The following PCDH7 variants were observed in gnomAD, a reference collection of about 807,000 sequenced individuals.
PCDH7 encodes the protein protocadherin-7.
Under a neutral mutation model 58.9 loss-of-function variants are expected in PCDH7, and 17 were observed. The observed-to-expected ratio is 0.29, with a 90% CI of 0.20 to 0.43. The LOEUF (loss-of-function observed/expected upper bound fraction) is 0.43. Ranked by LOEUF, PCDH7 falls within the 20% of genes least tolerant of loss-of-function variation. The pLI is 1.00. For missense variants in PCDH7, 1,274 were observed against 1,441.0 expected, an observed-to-expected ratio of 0.88 and a Z score of 1.88; for synonymous variants, 664 against 616.4, an observed-to-expected ratio of 1.08 and a Z score of -1.14.
intron 1 of PCDH7, among the ~76,000 whole-genome samples, chr4:30,883,470 C>A (rs1479078841): frequency 6.6e-6 from 1 of 152,158 alleles, no homozygotes; most frequent in Non-Finnish European, 1.5e-5. Flanking sequence ...ATCACACCAG[C>A]ATGACGAATG....
chr4:30,884,860 TA>T (rs1578163978), intron 1 of PCDH7: 1 of 152,018 alleles, frequency 6.6e-6, no homozygotes, highest in East Asian at 1.9e-4. Flanking sequence ...CTAGAGTTAT[TA>T]AGGAGGAGGA....
intron 2 of PCDH7, among the ~76,000 whole-genome samples, chr4:30,940,224 T>C (rs1235368053): frequency 6.6e-6 from 1 of 152,084 alleles, no homozygotes; most frequent in Non-Finnish European, 1.5e-5. Flanking sequence ...GTCCCCATTT[T>C]AAAGAGTAGA....
intron 3 of PCDH7, among the ~76,000 whole-genome samples, chr4:31,048,789 C>T (rs932604606): frequency 4.0e-5 from 6 of 151,748 alleles, no homozygotes; most frequent in South Asian, 2.1e-4. Flanking sequence ...CAAAGGAAAT[C>T]GCACTTAACC....
At chr4:30,791,312 G>T (rs894966403) in intron 1 of PCDH7, among the ~76,000 whole-genome samples, 1 of 152,038 alleles carries the variant, frequency 6.6e-6, no homozygotes, top group Non-Finnish European at 1.5e-5. Flanking sequence ...GTGAACTTTG[G>T]ACAAATTACA....
intron 1 of PCDH7, among the ~76,000 whole-genome samples, chr4:30,791,313 A>T (rs2109298677): frequency 6.6e-6 from 1 of 152,316 alleles, no homozygotes; most frequent in Non-Finnish European, 1.5e-5. Flanking sequence ...TGAACTTTGG[A>T]CAAATTACAT....
At chr4:31,138,995 G>GA (rs143078970) in intron 3 of PCDH7, among the ~76,000 whole-genome samples, 4 of 149,046 alleles carry the variant, frequency 2.7e-5, no homozygotes, top group South Asian at 2.1e-4. Context: ...AAAAAGAAAA[G>GA]AAAAAAAACT....
At chr4:30,753,755 TA>T (rs1362687704) in intron 1 of PCDH7, among the ~76,000 whole-genome samples, 10 of 152,244 alleles carry the variant, frequency 6.6e-5, no homozygotes, top group Non-Finnish European at 1.5e-4. Context: ...ATTTATTACA[TA>T]TGCAGTGCAT....
At chr4:30,878,666 C>A (rs4408918) in intron 1 of PCDH7, among the ~76,000 whole-genome samples, 2 of 151,732 alleles carry the variant, frequency 1.3e-5, no homozygotes, top group Non-Finnish European at 2.9e-5. Context: ...CTGGTCAACA[C>A]GGCAAACCCC....
At chr4:30,831,228 G>A (rs772409554) in intron 1 of PCDH7, among the ~76,000 whole-genome samples, 1 of 151,918 alleles carries the variant, frequency 6.6e-6, no homozygotes, top group African/African-American at 2.4e-5. Flanking sequence ...ATTTATGCCT[G>A]GACAATTAAG....
intron 3 of PCDH7, among the ~76,000 whole-genome samples, chr4:31,086,983 C>G (rs922249076): frequency 2.0e-5 from 3 of 152,090 alleles, no homozygotes; most frequent in Non-Finnish European, 4.4e-5. Flanking sequence ...ATACATTTCC[C>G]CAAACAGCAG....
intron 1 of PCDH7, among the ~76,000 whole-genome samples, chr4:30,851,335 G>T (rs1203990307): frequency 6.6e-6 from 1 of 151,886 alleles, no homozygotes; most frequent in Non-Finnish European, 1.5e-5. Context: ...GTGATCTTGG[G>T]AAAAATTATA....
intron 1 of PCDH7, among the ~76,000 whole-genome samples, chr4:30,900,260 A>C (rs1381415823): frequency 6.6e-6 from 1 of 152,188 alleles, no homozygotes; most frequent in Non-Finnish European, 1.5e-5. Flanking sequence ...GAACACAAAA[A>C]CATATGGTGT....
intron 3 of PCDH7, among the ~76,000 whole-genome samples, chr4:31,102,294 C>T (rs745717316): frequency 2.6e-5 from 4 of 151,346 alleles, no homozygotes; most frequent in Non-Finnish European, 5.9e-5. Flanking sequence ...AAATTGGAAA[C>T]TGAAATACTT....
At chr4:31,078,645 T>G (rs868139571) in intron 3 of PCDH7, among the ~76,000 whole-genome samples, 44 of 145,080 alleles carry the variant, frequency 3.0e-4, no homozygotes, top group Middle Eastern at 3.5e-3. Context: ...CCCCATTTTT[T>G]TTTTTTTTTT....
At chr4:31,137,805 A>T (rs1296865548) in intron 3 of PCDH7, among the ~76,000 whole-genome samples, 1 of 152,112 alleles carries the variant, frequency 6.6e-6, no homozygotes, top group Non-Finnish European at 1.5e-5. Flanking sequence ...CAAATAAATG[A>T]TACATACAGT....
chr4:30,846,890 G>A (rs996941528), intron 1 of PCDH7, among the ~76,000 whole-genome samples: 4 of 152,070 alleles, frequency 2.6e-5, no homozygotes, highest in Admixed American at 1.3e-4. Context: ...TTGGAAGGCC[G>A]AGACAGAAGG....
chr4:30,942,827 G>A (rs1048368032), intron 2 of PCDH7, among the ~76,000 whole-genome samples: 3 of 150,934 alleles, frequency 2.0e-5, no homozygotes, highest in East Asian at 1.9e-4. Flanking sequence ...AAAGACAGCT[G>A]CAAGATTCAG....
At chr4:30,874,781 C>T (rs934729587) in intron 1 of PCDH7, among the ~76,000 whole-genome samples, 1 of 151,388 alleles carries the variant, frequency 6.6e-6, no homozygotes, top group Non-Finnish European at 1.5e-5. Context: ...TTTAAACTAT[C>T]TTCTCCTCAT....
Position 31,121,070 on chromosome 4 carries a change from A to G in PCDH7, c.*8-21403A>G, listed in dbSNP as rs560627409. Among the ~76,000 whole-genome samples the G allele has an allele frequency of 5.5e-4, 84 of 152,292 alleles. 2 individuals carry two copies. Among genetic ancestry groups the G allele is most frequent in the Admixed American group, 1.8e-3 (27 of 15,284 alleles). On this transcript the variant is annotated intron_variant, in intron 3 of 3. Coordinates refer to the PCDH7 transcript ENST00000509759. Reference sequence around the variant, plus strand: ...AATGATAACTTAGCCATTTATCTTAATTAACGCTGGTGTGCTGGATGTAAT... The same window carrying G: ...AATGATAACTTAGCCATTTATCTTAGTTAACGCTGGTGTGCTGGATGTAAT...
Sources: allele counts gnomAD v4.1 joint callset (sites outside exome capture counted in the v4.1 genomes callset), GRCh38; gene constraint gnomAD v4.1.1; transcripts MANE v1.5; gene names NCBI Gene and HGNC (gene_info 2026-07-23, HGNC 2026-07-21).